Variants in RAP1GAP2 observed in about 807,000 individuals in gnomAD.
RAP1GAP2 encodes the protein RAP1 GTPase activating protein 2, also known as rap1 GTPase-activating protein 2.
RAP1GAP2 carries 27 observed loss-of-function variants against 95.0 expected under a neutral mutation model. That is an observed-to-expected ratio of 0.28 (90% CI 0.21 to 0.39). RAP1GAP2 has a LOEUF of 0.39. RAP1GAP2 is among the 10% of genes least tolerant of loss of function. The pLI, the probability that RAP1GAP2 is intolerant of heterozygous loss-of-function variation, is 1.00. For missense variants in RAP1GAP2, 771 were observed against 970.0 expected, an observed-to-expected ratio of 0.79 and a Z score of 2.72; for synonymous variants, 373 against 380.9, an observed-to-expected ratio of 0.98 and a Z score of 0.24.
intron 3 of RAP1GAP2, among the ~76,000 whole-genome samples, chr17:2,939,756 C>A (rs1457305546): frequency 6.6e-6 from 1 of 152,246 alleles, no homozygotes; most frequent in Non-Finnish European, 1.5e-5. Flanking sequence ...CATTCATCAC[C>A]TGCTGGCGTG....
chr17:2,995,569 C>G, intron 13 of RAP1GAP2, 103 bp downstream of exon 13: 1 of 1,459,026 alleles, frequency 6.9e-7, no homozygotes, highest in Non-Finnish European at 9.3e-7. Flanking sequence ...ATATTCGTTC[C>G]CGTAGCCGGC....
intron 3 of RAP1GAP2, among the ~76,000 whole-genome samples, chr17:2,934,331 C>T (rs1449847040): frequency 6.6e-6 from 1 of 152,186 alleles, no homozygotes; most frequent in Non-Finnish European, 1.5e-5. Context: ...GGGGTTTCAC[C>T]ATGTTGACCA....
At chr17:2,995,299 C>A (rs750826547) in intron 12 of RAP1GAP2, 38 bp from the exon 13 acceptor site, 3 of 1,605,204 alleles carry the variant, frequency 1.9e-6, no homozygotes, top group Non-Finnish European at 2.6e-6. Context: ...TTGCCTCACT[C>A]TCTTTTCTCC....
rs1488212696 is a variant in RAP1GAP2, at chr17:2,806,375, T to TA, written c.80+5825_80+5826insA. Among the ~76,000 whole-genome samples, 8 of 124,804 alleles carry TA rather than the reference T, an allele frequency of 6.4e-5. 1 individual carries two copies. In the East Asian group the frequency reaches 1.1e-3, roughly 17 times the overall value. The allele number at this position is 124,804 out of a possible 152,430, so 81.9% of individuals were successfully genotyped here. Reference sequence around the variant, plus strand: ...CTTGATTTCTTCTCTGCTACAACCTTTTTATTATTATTATTATTATTATTA... The same window carrying TA: ...CTTGATTTCTTCTCTGCTACAACCTTATTTATTATTATTATTATTATTATTA... On this transcript the variant is annotated intron_variant, in intron 2 of 24. Transcript: ENST00000254695.
chr17:2,969,895 T>C (rs1462007343), intron 8 of RAP1GAP2, among the ~76,000 whole-genome samples: 1 of 152,156 alleles, frequency 6.6e-6, no homozygotes, highest in African/African-American at 2.4e-5. Flanking sequence ...CTTAGAGATT[T>C]TTCCGTATTA....
At chr17:2,849,932 C>T (rs1029383679) in intron 2 of RAP1GAP2, among the ~76,000 whole-genome samples, 2 of 151,516 alleles carry the variant, frequency 1.3e-5, no homozygotes, top group Non-Finnish European at 2.9e-5. Flanking sequence ...CTCTTTCGAA[C>T]TGTGATTTCT....
chr17:2,935,588 C>T (rs1182009772), intron 3 of RAP1GAP2, among the ~76,000 whole-genome samples: 1 of 149,776 alleles, frequency 6.7e-6, no homozygotes, highest in African/African-American at 2.5e-5. Flanking sequence ...ATAAATGTCA[C>T]CCCCCCGCCC....
chr17:2,834,918 A>C (rs904417122), intron 2 of RAP1GAP2, among the ~76,000 whole-genome samples: 1 of 151,998 alleles, frequency 6.6e-6, no homozygotes, highest in Non-Finnish European at 1.5e-5. Flanking sequence ...TAAATTAATT[A>C]ATTATTATTA....
chr17:3,029,091 C>G lies in RAP1GAP2; in HGVS notation c.2108-1831C>G, dbSNP rs1286949376. Among the ~76,000 whole-genome samples, 1 of 152,156 alleles carries G rather than the reference C, an allele frequency of 6.6e-6. No homozygotes were observed. Among genetic ancestry groups the G allele is most frequent in the Admixed American group, 6.6e-5 (1 of 15,264 alleles). On this transcript the variant is annotated intron_variant, in intron 22 of 24. Coordinates refer to ENST00000254695, the MANE Select transcript of RAP1GAP2 (RefSeq NM_015085.5). The surrounding 1 kb of genome is among the most constrained non-coding windows in gnomAD (Gnocchi z 4.4). ...GGGATTACAGGCGTGAGCCACCGCG[C>G]CTGACCTGGTGTTTTTGTTTTGTTT...
At chr17:2,924,169 G>A (rs915042625) in intron 3 of RAP1GAP2, among the ~76,000 whole-genome samples, 1 of 152,180 alleles carries the variant, frequency 6.6e-6, no homozygotes, top group African/African-American at 2.4e-5. Flanking sequence ...GAATATGAGA[G>A]CCAGGTGATT....
chr17:2,897,765 C>A (rs772058714), intron 2 of RAP1GAP2, among the ~76,000 whole-genome samples: 1 of 152,068 alleles, frequency 6.6e-6, no homozygotes, highest in East Asian at 1.9e-4. Flanking sequence ...GGGGTTTGGG[C>A]GGTTCCCTCG....
chr17:2,945,683 AG>A (rs2043674533), intron 3 of RAP1GAP2, among the ~76,000 whole-genome samples: 2 of 152,120 alleles, frequency 1.3e-5, no homozygotes, highest in South Asian at 4.1e-4. Flanking sequence ...ATATCATGAA[AG>A]GATATTAGCT....
In RAP1GAP2 at chr17:3,005,302, G is replaced by C. The variant is rs1251567455; in HGVS notation, c.1201-67G>C. Reference sequence around the variant, plus strand: ...GAAGGTGAGTAGCTTTGTAAGGAGCGTGGCTCCCGTAGGGGCAGCGCTCGT... The same window carrying C: ...GAAGGTGAGTAGCTTTGTAAGGAGCCTGGCTCCCGTAGGGGCAGCGCTCGT... On this transcript the variant is annotated intron_variant, in intron 14 of 24. Coordinates refer to ENST00000254695, the MANE Select transcript of RAP1GAP2 (RefSeq NM_015085.5). The surrounding 1 kb of genome is among the most constrained non-coding windows in gnomAD (Gnocchi z 5.2). The C allele has an allele frequency of 4.8e-6, 7 of 1,450,322 alleles. No homozygotes were observed. The highest frequency in any genetic ancestry group is 6.8e-6 in the Non-Finnish European group (7 of 1,030,810). The allele number at this position is 1,450,322 out of a possible 1,614,324, so 89.8% of individuals were successfully genotyped here. A position where few individuals can be genotyped will look rare whatever the true frequency, so the allele number is the denominator to read the frequency against.
At chr17:2,801,763 G>A (rs911060015) in intron 2 of RAP1GAP2, among the ~76,000 whole-genome samples, 2 of 152,002 alleles carry the variant, frequency 1.3e-5, no homozygotes, top group African/African-American at 2.4e-5. Flanking sequence ...TACCTGCCTC[G>A]GTTTACCGTG....
chr17:2,927,503 C>T (rs1354849661), intron 3 of RAP1GAP2, among the ~76,000 whole-genome samples: 1 of 152,144 alleles, frequency 6.6e-6, no homozygotes, highest in Non-Finnish European at 1.5e-5. Flanking sequence ...TCTTCTGCCT[C>T]CTTCTCATTA....
At chr17:2,816,118 G>GT (rs1271063956) in intron 2 of RAP1GAP2, among the ~76,000 whole-genome samples, 5 of 152,086 alleles carry the variant, frequency 3.3e-5, no homozygotes, top group Admixed American at 6.6e-5. Context: ...CCATAATCTG[G>GT]TAAAAATAGG....
At chr17:3,023,504 G>A (rs1317524942) in intron 19 of RAP1GAP2, among the ~76,000 whole-genome samples, 1 of 152,218 alleles carries the variant, frequency 6.6e-6, no homozygotes, top group Admixed American at 6.5e-5. Flanking sequence ...AGGGCTTGCA[G>A]GACAAGAGGC....
At chr17:2,916,843 A>G (rs191840080) in intron 3 of RAP1GAP2, among the ~76,000 whole-genome samples, 1 of 152,304 alleles carries the variant, frequency 6.6e-6, no homozygotes, top group Admixed American at 6.5e-5. Flanking sequence ...TAGCTGGCTC[A>G]TCAGAGTCCC....
intron 13 of RAP1GAP2, among the ~76,000 whole-genome samples, chr17:2,996,671 G>C (rs1399360167): frequency 6.6e-6 from 1 of 152,240 alleles, no homozygotes; most frequent in African/African-American, 2.4e-5. Flanking sequence ...CCTGAGGCCT[G>C]TTCTCTCTGG....
Sources: gnomAD v4.1 joint callset for allele counts (sites outside exome capture counted in the v4.1 genomes callset) on GRCh38, gnomAD v4.1.1 for gene constraint, Gnocchi (gnomAD v3.1) non-coding constraint, MANE v1.5 for transcripts, NCBI Gene and HGNC (gene_info 2026-07-23, HGNC 2026-07-21) for gene names.